NDUFA9: variants seen among roughly 807,000 people sequenced by gnomAD.
NDUFA9 encodes NADH dehydrogenase [ubiquinone] 1 alpha subcomplex subunit 9, mitochondrial.
In NDUFA9, 23 loss-of-function variants were observed where a neutral mutation model predicts 45.9. The observed-to-expected ratio is 0.50, with a 90% CI of 0.36 to 0.71. The LOEUF is 0.71. Ranked by LOEUF, NDUFA9 falls within the 30% of genes least tolerant of loss-of-function variation. The probability of loss-of-function intolerance (pLI) is 0.00; values close to 1 mark genes in which losing one functional copy is unlikely to be tolerated. For synonymous variants in NDUFA9, 176 were observed against 170.5 expected (o/e 1.03, Z -0.25); for missense variants, 466 against 488.2 (o/e 0.95, Z 0.43).
intron 1 of NDUFA9, among the ~76,000 whole-genome samples, chr12:4,650,928 C>T (rs112133437): frequency 0.012 from 1,826 of 152,178 alleles, 15 homozygotes; most frequent in Middle Eastern, 0.024. Flanking sequence ...CTTTGAAAGC[C>T]AAGCAGAGTT....
chr12:4,684,973 G>T (rs966020728), intron 9 of NDUFA9: 1 of 596,168 alleles, frequency 1.7e-6, no homozygotes, highest in Non-Finnish European at 3.0e-6. Context: ...TTTTCTGTTT[G>T]CTTTGTTGTT....
At chr12:4,662,749 A>T in intron 6 of NDUFA9, 114 bp downstream of exon 6, 1 of 795,576 alleles carries the variant, frequency 1.3e-6, no homozygotes, top group Non-Finnish European at 2.0e-6. Flanking sequence ...TTTCTTTCCC[A>T]GTTGCCTTTT....
intron 3 of NDUFA9, chr12:4,655,321 C>A: frequency 5.5e-6 from 1 of 182,382 alleles, no homozygotes. Flanking sequence ...GTTTATCAAT[C>A]CCTGCTCTAG....
rs1945995969 is a variant in NDUFA9, at chr12:4,687,704, A to T, written c.*596A>T. On this transcript the variant is annotated 3_prime_UTR_variant, in exon 11 of 11. Coordinates refer to ENST00000266544, the MANE Select transcript of NDUFA9 (RefSeq NM_005002.5). ...TAGTACCACATCTGGATTATTTCAG[A>T]CACATAGGTGGAGATAGATTCTCTT... is the stretch of plus-strand genomic sequence containing the variant. 6.6e-6 allele frequency: 1 copy of T among 152,236 alleles called. No homozygotes were observed. Among genetic ancestry groups the T allele is most frequent in the Non-Finnish European group, 1.5e-5 (1 of 68,050 alleles). 9.4% of individuals were successfully genotyped at this position (152,236 alleles called of 1,614,324 possible). A position where few individuals can be genotyped will look rare whatever the true frequency, so the allele number is the denominator to read the frequency against.
intron 5 of NDUFA9, among the ~76,000 whole-genome samples, chr12:4,661,866 T>C (rs370338188): frequency 6.6e-6 from 1 of 152,028 alleles, no homozygotes; most frequent in African/African-American, 2.4e-5. Context: ...CAGTAGGTGG[T>C]GTAACCAAGT....
intron 5 of NDUFA9, among the ~76,000 whole-genome samples, chr12:4,661,101 A>G (rs1222524348): frequency 6.6e-6 from 1 of 152,044 alleles, no homozygotes. Context: ...AGTAAATTGG[A>G]CAGGTTCCTG....
rs1243300401 is a variant in NDUFA9, at chr12:4,693,622, A to G, written c.*6514A>G. ...ATCTGGTTCTACTTTCAGGAGAGTGATGGTTTGAGATGGTAACTGAAGTTG... is the reference window on the plus strand; with the variant it reads ...ATCTGGTTCTACTTTCAGGAGAGTGGTGGTTTGAGATGGTAACTGAAGTTG... On this transcript the variant is annotated 3_prime_UTR_variant, in exon 11 of 11. Transcript: ENST00000266544. 2 of 152,196 alleles carry G rather than the reference A, an allele frequency of 1.3e-5. No homozygotes were observed. The highest frequency in any genetic ancestry group is 3.9e-4 in the East Asian group (2 of 5,192). The allele number at this position is 152,196 out of a possible 1,614,324, so 9.4% of individuals were successfully genotyped here.
intron 8 of NDUFA9, among the ~76,000 whole-genome samples, chr12:4,676,268 G>A (rs1000196927): frequency 3.3e-5 from 5 of 152,126 alleles, no homozygotes; most frequent in South Asian, 2.1e-4. Context: ...CGTGTTCAAC[G>A]TAGTGTTGGA....
chr12:4,676,306 G>A (rs1302759480), intron 8 of NDUFA9, among the ~76,000 whole-genome samples: 1 of 152,136 alleles, frequency 6.6e-6, no homozygotes, highest in Non-Finnish European at 1.5e-5. Flanking sequence ...TTAGGCAAGA[G>A]AAAGAAATAA....
chr12:4,650,987 G>A (rs907390551), intron 1 of NDUFA9, among the ~76,000 whole-genome samples: 4 of 152,136 alleles, frequency 2.6e-5, no homozygotes, highest in African/African-American at 9.7e-5. Flanking sequence ...CTAATAAGTT[G>A]TGGAAATATA....
intron 8 of NDUFA9, among the ~76,000 whole-genome samples, chr12:4,681,814 T>A (rs536683407): frequency 1.3e-5 from 2 of 151,798 alleles, no homozygotes; most frequent in African/African-American, 2.4e-5. Flanking sequence ...AAGAAAAAAA[T>A]TTTAATAGCA....
chr12:4,656,096 T>C (rs571351946), intron 3 of NDUFA9: 13 of 152,372 alleles, frequency 8.5e-5, no homozygotes, highest in African/African-American at 3.1e-4. Context: ...TCTCTGGTAA[T>C]ATTCATACAG....
In NDUFA9 at chr12:4,691,357, G is replaced by A. The variant is rs2137493982; in HGVS notation, c.*4249G>A. The A allele has an allele frequency of 6.6e-6, 1 of 152,366 alleles. No homozygotes were observed. Among genetic ancestry groups the A allele is most frequent in the African/African-American group, 2.4e-5 (1 of 41,580 alleles). 9.4% of individuals were successfully genotyped at this position (152,366 alleles called of 1,614,324 possible). A position where few individuals can be genotyped will look rare whatever the true frequency, so the allele number is the denominator to read the frequency against. ...ATAAAATAGCTGCCGTTCCTGAGAA[G>A]GAGGGATTCCTATTTCCCAAATGCT... is the stretch of plus-strand genomic sequence containing the variant. On this transcript the variant is annotated 3_prime_UTR_variant, in exon 11 of 11. Coordinates refer to ENST00000266544, the MANE Select transcript of NDUFA9 (RefSeq NM_005002.5).
At position 4,692,561 on chromosome 12, in the gene NDUFA9, GGAA is replaced by G. The variant is rs1353088671; in HGVS notation, c.*5458_*5460del. ...ATACAAGAATGGCCTAATCGTGTTA[GGAA>G]GAAGCCTGTCTGAAGTGCAGTCAGG... On this transcript the variant is annotated 3_prime_UTR_variant, in exon 11 of 11. Coordinates refer to ENST00000266544, the MANE Select transcript of NDUFA9 (RefSeq NM_005002.5). The G allele has an allele frequency of 1.3e-5, 2 of 152,166 alleles. No homozygotes were observed. The highest frequency in any genetic ancestry group is 4.8e-5 in the African/African-American group (2 of 41,436). The allele number at this position is 152,166 out of a possible 1,614,324, so 9.4% of individuals were successfully genotyped here. A position where few individuals can be genotyped will look rare whatever the true frequency, so the allele number is the denominator to read the frequency against.
intron 8 of NDUFA9, among the ~76,000 whole-genome samples, chr12:4,672,054 T>C (rs56051143): frequency 0.01 from 1,575 of 152,216 alleles, 40 homozygotes; most frequent in African/African-American, 0.035. Context: ...GTTCATCTCA[T>C]TGGGACTGGT....
In NDUFA9 at chr12:4,687,168, C is replaced by G. The variant is rs1425255764; in HGVS notation, c.*60C>G. On this transcript the variant is annotated 3_prime_UTR_variant, in exon 11 of 11. Transcript: ENST00000266544. ...TGGGTCGGCCCATGTGGTTTGAGCACCCAGCCAGGCGGTCTCTTTAGAGGA... is the reference window on the plus strand; with the variant it reads ...TGGGTCGGCCCATGTGGTTTGAGCAGCCAGCCAGGCGGTCTCTTTAGAGGA... The G allele has an allele frequency of 1.3e-6, 2 of 1,525,356 alleles. No individual in the cohort carries two copies. The highest frequency in any genetic ancestry group is 1.8e-6 in the Non-Finnish European group (2 of 1,120,072). 94.5% of individuals were successfully genotyped at this position (1,525,356 alleles called of 1,614,324 possible).
At chr12:4,674,745 A>G (rs1386890637) in intron 8 of NDUFA9, among the ~76,000 whole-genome samples, 2 of 152,194 alleles carry the variant, frequency 1.3e-5, no homozygotes, top group Admixed American at 1.3e-4. Flanking sequence ...CCCACTGTCA[A>G]TATTAGAAAG....
intron 1 of NDUFA9, among the ~76,000 whole-genome samples, chr12:4,651,612 G>A (rs1945760198): frequency 1.3e-5 from 2 of 152,106 alleles, no homozygotes; most frequent in South Asian, 2.1e-4. Context: ...TGTGCTCTAG[G>A]TAATGTGCTA....
intron 6 of NDUFA9, 113 bp downstream of exon 6, chr12:4,662,748 C>T: frequency 1.2e-6 from 1 of 800,788 alleles, no homozygotes; most frequent in South Asian, 1.8e-5. Context: ...TTTTCTTTCC[C>T]AGTTGCCTTT....
Sources: gnomAD v4.1 joint callset for allele counts (sites outside exome capture counted in the v4.1 genomes callset) on GRCh38, gnomAD v4.1.1 for gene constraint, MANE v1.5 for transcripts, NCBI Gene and HGNC (gene_info 2026-07-23, HGNC 2026-07-21) for gene names.